NECAB2: variants seen among roughly 807,000 people sequenced by gnomAD.
The protein encoded by NECAB2 is N-terminal EF-hand calcium-binding protein 2.
A neutral mutation model predicts 51.9 loss-of-function variants in NECAB2; 68 were observed. The ratio of observed to expected loss-of-function variants is 1.31; its 90% CI spans 1.08 to 1.60. The LOEUF (loss-of-function observed/expected upper bound fraction) is 1.60, where lower values mean the gene tolerates loss of function less well. NECAB2 is among the 40% of genes most tolerant of loss of function. The pLI is 0.00. For synonymous variants in NECAB2, 329 were observed against 203.5 expected (o/e 1.62, Z -5.25); for missense variants, 854 against 490.3 (o/e 1.74, Z -7.00).
chr16:83,994,145 C>G (rs1211725073), intron 6 of NECAB2, among the ~76,000 whole-genome samples, 157 bp from the exon 7 acceptor site: 2 of 152,210 alleles, frequency 1.3e-5, no homozygotes, highest in East Asian at 1.9e-4. Context: ...CTTTAAGAAC[C>G]TCATTTCCTC....
intron 5 of NECAB2, among the ~76,000 whole-genome samples, chr16:83,983,351 T>C (rs2084512731): frequency 1.3e-5 from 2 of 152,184 alleles, no homozygotes; most frequent in Non-Finnish European, 2.9e-5. Flanking sequence ...TCCTGTGGCA[T>C]TTCTCTCATG....
chr16:83,984,884 T>A (rs987118391), intron 5 of NECAB2, among the ~76,000 whole-genome samples: 99 of 152,358 alleles, frequency 6.5e-4, no homozygotes, highest in African/African-American at 2.1e-3. Flanking sequence ...TTTCATGACA[T>A]GTTTTCTTAT....
chr16:83,983,931 G>A (rs547959530), intron 5 of NECAB2, among the ~76,000 whole-genome samples: 1 of 151,710 alleles, frequency 6.6e-6, no homozygotes, highest in Admixed American at 6.6e-5. Context: ...GTTATTTTAA[G>A]GTCATCTCTA....
At chr16:83,987,956 T>C (rs546373249) in intron 5 of NECAB2, among the ~76,000 whole-genome samples, 5 of 152,250 alleles carry the variant, frequency 3.3e-5, no homozygotes, top group African/African-American at 1.2e-4. Context: ...GTCTTTGTTA[T>C]AACTTTATGC....
intron 6 of NECAB2, among the ~76,000 whole-genome samples, chr16:83,993,820 A>C (rs1020518811): frequency 1.3e-5 from 2 of 152,058 alleles, no homozygotes; most frequent in African/African-American, 4.8e-5. Flanking sequence ...CCCGACTGTC[A>C]GTGTCTCTTT....
intron 8 of NECAB2, among the ~76,000 whole-genome samples, chr16:83,995,762 C>A (rs749240662): frequency 1.6e-4 from 24 of 152,160 alleles, no homozygotes; most frequent in Admixed American, 1.0e-3. Flanking sequence ...CAGAGGCTGA[C>A]GTGGAATGAA....
At chr16:83,995,346 A>C (rs2084682482) in intron 8 of NECAB2, among the ~76,000 whole-genome samples, 1 of 152,122 alleles carries the variant, frequency 6.6e-6, no homozygotes, top group African/African-American at 2.4e-5. Context: ...ACCCTGGGCC[A>C]GGGACTTGTC....
chr16:83,994,602 A>G lies in NECAB2; in HGVS notation c.716-7A>G, dbSNP rs768543153. The G allele has an allele frequency of 6.2e-7, 1 of 1,613,962 alleles. No individual in the cohort carries two copies. Among genetic ancestry groups the G allele is most frequent in the South Asian group, 1.1e-5 (1 of 91,064 alleles). On this transcript the variant is annotated splice_polypyrimidine_tract_variant and splice_region_variant and intron_variant, in intron 7 of 12. Transcript: ENST00000305202. ...CTGAAGTCTGTGTGTCTCTTTCTCT[A>G]CCGCAGCCACGGAGGATGCAAAGGA...
intron 5 of NECAB2, among the ~76,000 whole-genome samples, chr16:83,982,373 G>A (rs2151090109): frequency 6.6e-6 from 1 of 152,268 alleles, no homozygotes; most frequent in Middle Eastern, 3.4e-3. Flanking sequence ...TGTAAGACCT[G>A]CTCCCTTCAA....
intron 5 of NECAB2, among the ~76,000 whole-genome samples, chr16:83,982,294 A>G (rs1415440576): frequency 6.6e-6 from 1 of 152,210 alleles, no homozygotes; most frequent in Non-Finnish European, 1.5e-5. Context: ...CCACGATTCC[A>G]CATTTCCATT....
intron 5 of NECAB2, among the ~76,000 whole-genome samples, chr16:83,982,688 AAG>A (rs1335427051): frequency 6.6e-6 from 1 of 152,114 alleles, no homozygotes; most frequent in Non-Finnish European, 1.5e-5. Flanking sequence ...TCAGGAACAT[AAG>A]AGAGTTCTCC....
At chr16:83,975,781 A>G (rs2084401622) in intron 2 of NECAB2, among the ~76,000 whole-genome samples, 1 of 152,126 alleles carries the variant, frequency 6.6e-6, no homozygotes, top group African/African-American at 2.4e-5. Flanking sequence ...AAGGTCATGG[A>G]GACAGAGAGT....
intron 9 of NECAB2, 143 bp from the exon 10 acceptor site, chr16:83,998,062 C>G (rs1462565448): frequency 5.5e-6 from 4 of 721,614 alleles, no homozygotes; most frequent in South Asian, 1.8e-5. Flanking sequence ...TTAGTCCATT[C>G]TTATCCATTC....
At chr16:83,989,540 G>C (rs146424623) in intron 5 of NECAB2, among the ~76,000 whole-genome samples, 1 of 152,196 alleles carries the variant, frequency 6.6e-6, no homozygotes, top group Non-Finnish European at 1.5e-5. Context: ...GAAATCCAAG[G>C]TGCCTGGGGC....
chr16:83,998,801 T>TCTCACCCTC (rs1555549552), intron 10 of NECAB2, among the ~76,000 whole-genome samples: 9 of 151,706 alleles, frequency 5.9e-5, no homozygotes, highest in Admixed American at 1.3e-4. Context: ...TAGTTGCCCT[T>TCTCACCCTC]CTCCCCCTGA....
At chr16:84,001,791 CCACCCCTGA>C in intron 11 of NECAB2, 25 bp from the exon 12 acceptor site, 1 of 1,610,216 alleles carries the variant, frequency 6.2e-7, no homozygotes, top group Non-Finnish European at 8.5e-7. Flanking sequence ...TCCACTCCTG[CCACCCCTGA>C]CTCACACATG....
At chr16:84,001,239 T>C (rs2084826836) in intron 11 of NECAB2, among the ~76,000 whole-genome samples, 1 of 151,490 alleles carries the variant, frequency 6.6e-6, no homozygotes, top group Non-Finnish European at 1.5e-5. Flanking sequence ...TCAGCAGCTC[T>C]GATGGGCCTT....
rs2084717700 is a variant in NECAB2 at position 83,997,219 on chromosome 16, C to T, written c.799C>T (p.Leu267=). The T allele has an allele frequency of 6.2e-7, 1 of 1,614,044 alleles. No individual in the cohort carries two copies. The highest frequency in any genetic ancestry group is 1.3e-5 in the African/African-American group (1 of 74,926). The stretch of plus-strand genomic sequence containing the variant: ...ACTGTGTGCTGGATTGTTTCAGGCA[C>T]TGTGGTTCGACCTGCAGCAGCGCCT... ...ELIGRLESKA[L]WFDLQQRLSD... The change falls in exon 9 of 13, where the codon CTG becomes TTG. Residue 267 remains leucine, a synonymous_variant. Coordinates refer to ENST00000305202, the MANE Select transcript of NECAB2 (RefSeq NM_019065.3).
intron 5 of NECAB2, among the ~76,000 whole-genome samples, chr16:83,989,596 C>T (rs1000036962): frequency 6.6e-6 from 1 of 152,130 alleles, no homozygotes; most frequent in African/African-American, 2.4e-5. Context: ...GCCAGGAGAG[C>T]AGGGCAGGGT....
Sources: gnomAD v4.1 joint callset for allele counts (sites outside exome capture counted in the v4.1 genomes callset) on GRCh38, gnomAD v4.1.1 for gene constraint, MANE v1.5 for transcripts, NCBI Gene and HGNC (gene_info 2026-07-23, HGNC 2026-07-21) for gene names.